The following GTF2E2 variants were observed in gnomAD, a reference collection of about 807,000 sequenced individuals.
GTF2E2 encodes general transcription factor IIE subunit 2, also known as transcription initiation factor IIE subunit beta.
GTF2E2 carries 21 observed loss-of-function variants against 40.5 expected under a neutral mutation model. The ratio of observed to expected loss-of-function variants is 0.52; its 90% CI spans 0.37 to 0.75. The LOEUF (loss-of-function observed/expected upper bound fraction) is 0.75. GTF2E2 is among the 30% of genes least tolerant of loss of function. The pLI, the probability that GTF2E2 is intolerant of heterozygous loss-of-function variation, is 0.00. For missense variants in GTF2E2, 298 were observed against 338.4 expected, an observed-to-expected ratio of 0.88 and a Z score of 0.94; for synonymous variants, 117 against 121.6, an observed-to-expected ratio of 0.96 and a Z score of 0.25.
chr8:30,578,775 T>C lies in GTF2E2; in HGVS notation c.*146A>G. On this transcript the variant is annotated 3_prime_UTR_variant, in exon 8 of 8. Transcript: ENST00000355904. Reference sequence around the variant, plus strand: ...ATTCTACTCAAATAAGCTTTGAGTTTGGTAATTTGCACTTGTTTTGTAAAC... The same window carrying C: ...ATTCTACTCAAATAAGCTTTGAGTTCGGTAATTTGCACTTGTTTTGTAAAC... 1.7e-6 allele frequency: 1 copy of C among 596,146 alleles called. No individual in the cohort carries two copies. The highest frequency in any genetic ancestry group is 2.7e-5 in the Admixed American group (1 of 36,894). The allele number at this position is 596,146 out of a possible 1,614,324, so 36.9% of individuals were successfully genotyped here. A position where few individuals can be genotyped will look rare whatever the true frequency, so the allele number is the denominator to read the frequency against.
intron 2 of GTF2E2, chr8:30,637,140 G>A (rs1186890595): frequency 4.5e-6 from 2 of 445,210 alleles, no homozygotes; most frequent in East Asian, 1.4e-4. Flanking sequence ...GTAATAAACA[G>A]CCTTTACACA....
At chr8:30,626,427 G>A (rs368965106) in intron 3 of GTF2E2, among the ~76,000 whole-genome samples, 2 of 152,234 alleles carry the variant, frequency 1.3e-5, no homozygotes, top group African/African-American at 4.8e-5. Flanking sequence ...GGAGGTTGCA[G>A]TGAGCCGAGA....
chr8:30,591,531 A>G (rs1428445968), intron 6 of GTF2E2, among the ~76,000 whole-genome samples: 1 of 152,196 alleles, frequency 6.6e-6, no homozygotes, highest in Admixed American at 6.5e-5. Context: ...AAAATGGCCA[A>G]TCAGCACATA....
chr8:30,618,742 C>T (rs1800998844), intron 3 of GTF2E2, among the ~76,000 whole-genome samples: 1 of 152,004 alleles, frequency 6.6e-6, no homozygotes, highest in Non-Finnish European at 1.5e-5. Context: ...TAAAATAAGC[C>T]ATCTATTCCT....
At chr8:30,650,277 T>G (rs1393609049) in intron 2 of GTF2E2, among the ~76,000 whole-genome samples, 1 of 152,178 alleles carries the variant, frequency 6.6e-6, no homozygotes, top group Non-Finnish European at 1.5e-5. Context: ...GCAAGGTTGT[T>G]TGAACATCTA....
intron 2 of GTF2E2, among the ~76,000 whole-genome samples, chr8:30,648,600 C>T (rs983066016): frequency 1.1e-4 from 16 of 152,176 alleles, no homozygotes; most frequent in Admixed American, 4.6e-4. Flanking sequence ...TAACTCTGGC[C>T]AATGAGCTGT....
chr8:30,624,315 T>G (rs1801203894), intron 3 of GTF2E2, among the ~76,000 whole-genome samples: 1 of 152,266 alleles, frequency 6.6e-6, no homozygotes, highest in Admixed American at 6.5e-5. Flanking sequence ...GAAGATCAGA[T>G]AGTTGTAGAT....
chr8:30,653,344 T>G (rs569813773), intron 2 of GTF2E2, 89 bp downstream of exon 2: 2 of 943,878 alleles, frequency 2.1e-6, no homozygotes, highest in African/African-American at 1.6e-5. Context: ...ACATGAGTGC[T>G]GAACTGAAAA....
At chr8:30,634,722 T>A (rs920552550) in intron 3 of GTF2E2, among the ~76,000 whole-genome samples, 6 of 152,206 alleles carry the variant, frequency 3.9e-5, no homozygotes, top group African/African-American at 1.2e-4. Context: ...CCATTGGTTT[T>A]GCCAGCCTGT....
chr8:30,653,887 G>A (rs1802367760), intron 1 of GTF2E2, among the ~76,000 whole-genome samples: 2 of 152,052 alleles, frequency 1.3e-5, no homozygotes, highest in Admixed American at 1.3e-4. Flanking sequence ...CCAGGAGTTG[G>A]AGACCAGCCT....
Position 30,627,448 on chromosome 8 carries a change from CAAAAAA to C in GTF2E2, c.258+7578_258+7583del, listed in dbSNP as rs71539905. The stretch of plus-strand genomic sequence containing the variant: ...TCACGGCAAGGTTTTACCTCTCTTG[CAAAAAA>C]AAAAAAAAAAAAAAAAACTCAGGAC... On this transcript the variant is annotated intron_variant, in intron 3 of 7. Coordinates refer to ENST00000355904, the MANE Select transcript of GTF2E2 (RefSeq NM_002095.6). Among the ~76,000 whole-genome samples, 46 of 64,768 alleles carry C rather than the reference CAAAAAA, an allele frequency of 7.1e-4. No homozygotes were observed. The East Asian group carries it at 1.0e-2, about 14-fold the overall frequency. 42.5% of individuals were successfully genotyped at this position (64,768 alleles called of 152,430 possible).
intron 3 of GTF2E2, among the ~76,000 whole-genome samples, chr8:30,629,353 C>T (rs1357156088): frequency 6.6e-6 from 1 of 151,998 alleles, no homozygotes; most frequent in Non-Finnish European, 1.5e-5. Context: ...AGAAGTTAGG[C>T]CAGTGATTCT....
chr8:30,599,583 A>AG (rs1178693959), intron 6 of GTF2E2, among the ~76,000 whole-genome samples: 1 of 129,726 alleles, frequency 7.7e-6, no homozygotes, highest in Admixed American at 7.5e-5. Flanking sequence ...TGTCTCACAA[A>AG]AAAAAAAAAA....
intron 6 of GTF2E2, among the ~76,000 whole-genome samples, chr8:30,598,104 T>C (rs369672532): frequency 6.6e-6 from 1 of 152,234 alleles, no homozygotes; most frequent in Non-Finnish European, 1.5e-5. Context: ...ATTACATATC[T>C]GTCCAACAAG....
chr8:30,621,434 T>C (rs1801097777), intron 3 of GTF2E2, among the ~76,000 whole-genome samples: 1 of 151,870 alleles, frequency 6.6e-6, no homozygotes, highest in South Asian at 2.1e-4. Flanking sequence ...TGATGAACAA[T>C]AAAAGATCAA....
intron 6 of GTF2E2, among the ~76,000 whole-genome samples, 197 bp downstream of exon 6, chr8:30,606,860 T>C (rs1829329733): frequency 1.3e-5 from 2 of 152,152 alleles, no homozygotes; most frequent in African/African-American, 4.8e-5. Context: ...TAACCTAAAA[T>C]CTTTCAAATC....
At chr8:30,650,093 A>G (rs1423445419) in intron 2 of GTF2E2, among the ~76,000 whole-genome samples, 2 of 152,182 alleles carry the variant, frequency 1.3e-5, no homozygotes, top group Admixed American at 6.5e-5. Context: ...CAAATCGTTT[A>G]AGGAGGCCAG....
chr8:30,588,599 A>C (rs568450441), intron 6 of GTF2E2, among the ~76,000 whole-genome samples: 1 of 152,328 alleles, frequency 6.6e-6, no homozygotes, highest in Admixed American at 6.5e-5. Context: ...GGTCCAAAGA[A>C]AAAGGAATCT....
At position 30,607,088 on chromosome 8, in the gene GTF2E2, A is replaced by C; in HGVS notation, c.612T>G (p.Asn204Lys). The part of the protein sequence containing the change: ...RPDKKKILFF[N>K]DKSCQFSVDE... ...CCACAGAAAACTGACAGCTCTTATC[A>C]TTGAAGAAAAGTATTTTCTTCTTAT... is the stretch of plus-strand genomic sequence containing the variant. The change falls in exon 6 of 8, where the codon AAT becomes AAG. Residue 204 changes from asparagine to lysine, a missense_variant. Transcript: ENST00000355904. 6.7e-7 allele frequency: 1 copy of C among 1,482,214 alleles called. No homozygotes were observed. Among genetic ancestry groups the C allele is most frequent in the Non-Finnish European group, 9.3e-7 (1 of 1,071,952 alleles). 91.8% of individuals were successfully genotyped at this position (1,482,214 alleles called of 1,614,324 possible).
Sources: gnomAD v4.1 joint callset for allele counts (sites outside exome capture counted in the v4.1 genomes callset) on GRCh38, gnomAD v4.1.1 for gene constraint, MANE v1.5 for transcripts, NCBI Gene and HGNC (gene_info 2026-07-23, HGNC 2026-07-21) for gene names.